Variants in CDKN2B-AS1 observed in about 807,000 individuals in gnomAD.
CDKN2B-AS1 encodes CDKN2B antisense RNA 1 (non-protein coding).
exon 5 of CDKN2B-AS1, among the ~76,000 whole-genome samples, chr9:22,127,935 G>A (rs1024388332): frequency 6.6e-6 from 1 of 152,128 alleles, no homozygotes; most frequent in Non-Finnish European, 1.5e-5. Flanking sequence ...ACAACTGGGT[G>A]CATAAAAAGG....
intron 4 of CDKN2B-AS1, among the ~76,000 whole-genome samples, chr9:22,079,724 A>G (rs1439645184): frequency 6.6e-6 from 1 of 150,474 alleles, no homozygotes; most frequent in East Asian, 1.9e-4. Flanking sequence ...AGATTTTCTT[A>G]CTCTTCTCTT....
intron 4 of CDKN2B-AS1, among the ~76,000 whole-genome samples, chr9:22,111,260 T>A (rs72654218): frequency 3.0e-4 from 46 of 152,218 alleles, no homozygotes; most frequent in Admixed American, 7.9e-4. Context: ...AATGTCAGAG[T>A]GAGTTGGTGG....
chr9:22,093,741 C>T (rs1021831223), intron 4 of CDKN2B-AS1, among the ~76,000 whole-genome samples: 3 of 144,088 alleles, frequency 2.1e-5, no homozygotes, highest in Non-Finnish European at 4.4e-5. Context: ...TTCCTGAATA[C>T]AGCACACTGA....
chr9:22,039,018 T>C lies in CDKN2B-AS1; in HGVS notation n.30-7733T>C, dbSNP rs1417494301. On this transcript the variant is annotated intron_variant and non_coding_transcript_variant, in intron 1 of 4. Coordinates refer to ENST00000650946, the Ensembl canonical transcript of CDKN2B-AS1. This position sits in a 1 kb window ranked among gnomAD's most constrained non-coding sequence, Gnocchi z 4.4. ...TTCCAGTTAGGACATGGAAATTTTT[T>C]CCTTGTCAATATTTATTCTTAATGT... 6.6e-6 allele frequency among the ~76,000 whole-genome samples: 1 copy of C among 152,040 alleles called. No homozygotes were observed. Among genetic ancestry groups the C allele is most frequent in the East Asian group, 1.9e-4 (1 of 5,168 alleles).
Position 21,997,483 on chromosome 9 carries a change from G to GAT in CDKN2B-AS1, n.29+2323_29+2324insTA, listed in dbSNP as rs1281240677. 6.7e-6 allele frequency among the ~76,000 whole-genome samples: 1 copy of GAT among 148,956 alleles called. No individual in the cohort carries two copies. The highest frequency in any genetic ancestry group is 2.5e-5 in the African/African-American group (1 of 40,112). On this transcript the variant is annotated intron_variant and non_coding_transcript_variant, in intron 1 of 4. Coordinates refer to ENST00000650946, the Ensembl canonical transcript of CDKN2B-AS1. The surrounding 1 kb of genome is among the most constrained non-coding windows in gnomAD (Gnocchi z 4.8). The stretch of plus-strand genomic sequence containing the variant: ...TGGGGGAGAGAAAGAGAGGGAGGGA[G>GAT]AGAGAGAGAGAGAGAGAGAGAAAGA...
chr9:22,114,673 C>T (rs1399277687), intron 4 of CDKN2B-AS1, among the ~76,000 whole-genome samples: 1 of 152,220 alleles, frequency 6.6e-6, no homozygotes, highest in East Asian at 1.9e-4. Context: ...TGGCTGGGAG[C>T]AGCCATAGAA....
At chr9:22,123,050 A>T (rs1215254594) in intron 4 of CDKN2B-AS1, among the ~76,000 whole-genome samples, 1 of 151,790 alleles carries the variant, frequency 6.6e-6, no homozygotes, top group African/African-American at 2.4e-5. Context: ...TTGTAGTTTT[A>T]GTTGCAGAGG....
At chr9:22,099,466 T>G (rs1296861104) in intron 4 of CDKN2B-AS1, among the ~76,000 whole-genome samples, 1 of 152,192 alleles carries the variant, frequency 6.6e-6, no homozygotes, top group African/African-American at 2.4e-5. Flanking sequence ...CTGTTCTAAT[T>G]ACATATTTTC....
At chr9:22,020,522 C>G (rs191909932) in intron 1 of CDKN2B-AS1, among the ~76,000 whole-genome samples, 195 of 152,270 alleles carry the variant, frequency 1.3e-3, no homozygotes, top group African/African-American at 4.5e-3. Context: ...TTTTTCTCCA[C>G]TACCTCAACA....
chr9:22,045,491 G>A (rs1234791248), intron 1 of CDKN2B-AS1, among the ~76,000 whole-genome samples: 1 of 151,968 alleles, frequency 6.6e-6, no homozygotes, highest in African/African-American at 2.4e-5. Context: ...TAATGGAAAT[G>A]CATAGTATTA....
chr9:22,055,928 A>G (rs2131289824), intron 3 of CDKN2B-AS1, among the ~76,000 whole-genome samples: 1 of 152,320 alleles, frequency 6.6e-6, no homozygotes, highest in South Asian at 2.1e-4. Flanking sequence ...AAAATTTGGC[A>G]TGCAACGGGC....
chr9:22,050,274 G>A (rs1360982377), intron 3 of CDKN2B-AS1, among the ~76,000 whole-genome samples: 1 of 152,194 alleles, frequency 6.6e-6, no homozygotes, highest in African/African-American at 2.4e-5. Flanking sequence ...ATGATTAAAG[G>A]AGAAGGGAAG....
At chr9:22,022,039 T>C (rs1171853434) in intron 1 of CDKN2B-AS1, among the ~76,000 whole-genome samples, 3 of 152,218 alleles carry the variant, frequency 2.0e-5, no homozygotes, top group African/African-American at 7.2e-5. Flanking sequence ...ATGATTTCAG[T>C]TCTTTTGCAT....
chr9:22,088,513 AC>A (rs1824944052), intron 4 of CDKN2B-AS1, among the ~76,000 whole-genome samples: 1 of 152,068 alleles, frequency 6.6e-6, no homozygotes, highest in Non-Finnish European at 1.5e-5. Flanking sequence ...TAGGCTAAGA[AC>A]CAGCATTCTG....
intron 4 of CDKN2B-AS1, among the ~76,000 whole-genome samples, chr9:22,085,376 C>T (rs1204221827): frequency 1.3e-5 from 2 of 152,152 alleles, no homozygotes; most frequent in African/African-American, 4.8e-5. Flanking sequence ...ATCCCAAGGA[C>T]CTAGCCACAC....
chr9:22,014,746 C>T (rs1178279339), intron 1 of CDKN2B-AS1, among the ~76,000 whole-genome samples: 1 of 145,402 alleles, frequency 6.9e-6, no homozygotes, highest in Non-Finnish European at 1.5e-5. Context: ...TATCCTAATG[C>T]TATCCCTCCC....
intron 4 of CDKN2B-AS1, among the ~76,000 whole-genome samples, chr9:22,124,627 A>C (rs1459790161): frequency 1.3e-5 from 2 of 152,192 alleles, no homozygotes; most frequent in East Asian, 3.8e-4. Context: ...TTTTTTAAAA[A>C]ACTAACTTTT....
intron 4 of CDKN2B-AS1, among the ~76,000 whole-genome samples, chr9:22,106,760 G>A (rs887309180): frequency 6.6e-6 from 1 of 152,100 alleles, no homozygotes; most frequent in African/African-American, 2.4e-5. Context: ...TAGTAAGGTG[G>A]TAAAATAATA....
chr9:22,122,711 T>C (rs1328816023), intron 4 of CDKN2B-AS1, among the ~76,000 whole-genome samples: 3 of 152,178 alleles, frequency 2.0e-5, no homozygotes, highest in East Asian at 1.9e-4. Flanking sequence ...GTTGTAGATA[T>C]GTGGATTAAT....
Sources: gnomAD v4.1 joint callset for allele counts (sites outside exome capture counted in the v4.1 genomes callset) on GRCh38, gnomAD v4.1.1 for gene constraint, Gnocchi (gnomAD v3.1) non-coding constraint, MANE v1.5 for transcripts, NCBI Gene and HGNC (gene_info 2026-07-23, HGNC 2026-07-21) for gene names.